Variants in TYW1B observed in about 807,000 individuals in gnomAD.
TYW1B encodes the protein tRNA-yW synthesizing protein 1 homolog B.
Under a neutral mutation model 86.9 loss-of-function variants are expected in TYW1B, and 73 were observed. That is an observed-to-expected ratio of 0.84 (90% CI 0.70 to 1.02). The LOEUF (loss-of-function observed/expected upper bound fraction) is 1.02. Among genes scored for constraint, TYW1B ranks in the 50% least tolerant of loss-of-function variants. The pLI is 0.00. For synonymous variants in TYW1B, 248 were observed against 292.8 expected (o/e 0.85, Z 1.56); for missense variants, 637 against 827.4 (o/e 0.77, Z 2.82).
At chr7:72,721,643 C>T (rs1398332196) in intron 9 of TYW1B, among the ~76,000 whole-genome samples, 1 of 152,058 alleles carries the variant, frequency 6.6e-6, no homozygotes, top group Non-Finnish European at 1.5e-5. Context: ...CACACGCACA[C>T]ACACACAGGC....
intron 10 of TYW1B, among the ~76,000 whole-genome samples, chr7:72,702,905 G>C (rs1238134460): frequency 6.7e-6 from 1 of 149,856 alleles, no homozygotes; most frequent in East Asian, 2.0e-4. Context: ...AGATTTTTAA[G>C]GTCTGTGCTC....
rs542095366 is a variant in TYW1B, at chr7:72,684,913, C to G, written c.1506+9774G>C. On this transcript the variant is annotated intron_variant, in intron 11 of 13. Coordinates refer to ENST00000620995, the MANE Select transcript of TYW1B (RefSeq NM_001145440.3). ...ATCACTTGAGGTCAGGAGTTCAATA[C>G]CAGCCTGGCCAACATGGTAAAACCC... 5.9e-4 allele frequency among the ~76,000 whole-genome samples: 90 copies of G among 152,072 alleles called. 1 individual carries two copies. The highest frequency in any genetic ancestry group is 7.9e-4 in the Non-Finnish European group (54 of 67,984).
At chr7:72,594,232 T>A (rs1193357422) in intron 13 of TYW1B, among the ~76,000 whole-genome samples, 3 of 151,948 alleles carry the variant, frequency 2.0e-5, no homozygotes, top group African/African-American at 7.2e-5. Context: ...GCTGGTTCTT[T>A]TAAAAGATCA....
chr7:72,694,553 T>C (rs1164968356), intron 11 of TYW1B, 134 bp downstream of exon 11: 8 of 1,283,238 alleles, frequency 6.2e-6, no homozygotes, highest in South Asian at 2.2e-5. Context: ...TTGAACGCTA[T>C]ATTTCATCTT....
At chr7:72,788,567 G>A (rs1276345196) in intron 6 of TYW1B, among the ~76,000 whole-genome samples, 1 of 151,716 alleles carries the variant, frequency 6.6e-6, no homozygotes, top group Non-Finnish European at 1.5e-5. Context: ...GAGTCTTGCT[G>A]TGTTGCCCAG....
In TYW1B at chr7:72,594,385, G is replaced by A. The variant is rs534202159; in HGVS notation, c.1786-18666C>T. On this transcript the variant is annotated intron_variant, in intron 13 of 13. Coordinates refer to ENST00000620995, the MANE Select transcript of TYW1B (RefSeq NM_001145440.3). ...AAGAGTGTACTATAAACAATGGTAC[G>A]CCAACAAATGGATAACCTAGATGAA... Among the ~76,000 whole-genome samples the A allele has an allele frequency of 4.1e-5, 6 of 145,802 alleles. No homozygotes were observed. In the East Asian group the frequency reaches 7.9e-4, roughly 19 times the overall value.
intron 11 of TYW1B, among the ~76,000 whole-genome samples, chr7:72,634,561 G>A (rs1236103291): frequency 6.7e-6 from 1 of 149,878 alleles, no homozygotes; most frequent in East Asian, 1.9e-4. Context: ...TGGGTCATGG[G>A]GGATATGTAT....
At chr7:72,711,535 T>C (rs1480420002) in intron 10 of TYW1B, among the ~76,000 whole-genome samples, 1 of 139,454 alleles carries the variant, frequency 7.2e-6, no homozygotes, top group Admixed American at 7.8e-5. Context: ...AGTGGCGTGA[T>C]CTTGGCTCAC....
intron 13 of TYW1B, among the ~76,000 whole-genome samples, chr7:72,588,982 T>C (rs1554430961): frequency 6.6e-6 from 1 of 152,084 alleles, no homozygotes; most frequent in African/African-American, 2.4e-5. Flanking sequence ...CCACCTAATT[T>C]TTATATTTTC....
chr7:72,630,287 AAAT>A (rs1554439651), intron 11 of TYW1B, among the ~76,000 whole-genome samples: 1 of 152,062 alleles, frequency 6.6e-6, no homozygotes, highest in Non-Finnish European at 1.5e-5. Context: ...AAATAAATAA[AAAT>A]AATAAGAAGA....
intron 3 of TYW1B, among the ~76,000 whole-genome samples, chr7:72,811,593 G>A (rs376475578): frequency 6.6e-6 from 1 of 151,976 alleles, no homozygotes; most frequent in African/African-American, 2.4e-5. Context: ...TCCTCAGGCA[G>A]GAAGCTGTGA....
At chr7:72,716,363 C>T (rs1296850873) in intron 9 of TYW1B, among the ~76,000 whole-genome samples, 8 of 152,294 alleles carry the variant, frequency 5.3e-5, no homozygotes, top group East Asian at 1.9e-4. Context: ...ACACAAGAAA[C>T]GTTCATTAAC....
At chr7:72,788,614 C>A (rs1311314001) in intron 6 of TYW1B, among the ~76,000 whole-genome samples, 1 of 151,862 alleles carries the variant, frequency 6.6e-6, no homozygotes, top group African/African-American at 2.4e-5. Context: ...CTCACTGCAA[C>A]CTCCGCTTCC....
chr7:72,686,253 T>G (rs1337783884), intron 11 of TYW1B, among the ~76,000 whole-genome samples: 1 of 152,176 alleles, frequency 6.6e-6, no homozygotes, highest in Non-Finnish European at 1.5e-5. Flanking sequence ...AACACAAACT[T>G]GCACACAGAT....
At chr7:72,805,917 T>C (rs1554476592) in intron 5 of TYW1B, among the ~76,000 whole-genome samples, 1 of 151,912 alleles carries the variant, frequency 6.6e-6, no homozygotes. Flanking sequence ...ATAACAGCTG[T>C]GAAGATGACA....
intron 13 of TYW1B, among the ~76,000 whole-genome samples, chr7:72,603,649 G>T (rs1811727701): frequency 6.6e-6 from 1 of 152,146 alleles, no homozygotes; most frequent in Non-Finnish European, 1.5e-5. Flanking sequence ...GACAAATACT[G>T]CCTCAGTTGG....
intron 10 of TYW1B, among the ~76,000 whole-genome samples, chr7:72,712,965 T>C (rs1344086757): frequency 6.6e-6 from 1 of 151,978 alleles, no homozygotes; most frequent in Admixed American, 6.6e-5. Context: ...TTAACAACAA[T>C]ATAGTTTTCA....
chr7:72,813,193 G>A (rs1461839548), intron 3 of TYW1B, among the ~76,000 whole-genome samples: 5 of 36,434 alleles, frequency 1.4e-4, no homozygotes, highest in African/African-American at 5.9e-4. Flanking sequence ...TTTTTTTTTT[G>A]AGACAGAGAT....
intron 9 of TYW1B, among the ~76,000 whole-genome samples, chr7:72,725,862 C>G (rs782448290): frequency 2.6e-5 from 4 of 152,086 alleles, no homozygotes; most frequent in Non-Finnish European, 5.9e-5. Flanking sequence ...ATCTCAGTCT[C>G]TCTGTCTCTC....
Sources: allele counts gnomAD v4.1 joint callset (sites outside exome capture counted in the v4.1 genomes callset), GRCh38; gene constraint gnomAD v4.1.1; transcripts MANE v1.5; gene names NCBI Gene and HGNC (gene_info 2026-07-23, HGNC 2026-07-21).